CSMD3: variants seen among roughly 807,000 people sequenced by gnomAD.
CSMD3 encodes the protein CUB and Sushi multiple domains 3.
A neutral mutation model predicts 435.2 loss-of-function variants in CSMD3; 177 were observed. The observed-to-expected ratio is 0.41, with a 90% CI of 0.36 to 0.46. The LOEUF is 0.46. Among genes scored for constraint, CSMD3 ranks in the 20% least tolerant of loss-of-function variants. The pLI is 0.34. For missense variants in CSMD3, 4,265 were observed against 4,504.6 expected, an observed-to-expected ratio of 0.95 and a Z score of 1.52; for synonymous variants, 1,656 against 1,520.5, an observed-to-expected ratio of 1.09 and a Z score of -2.07.
chr8:112,572,843 G>A (rs1829643492), intron 24 of CSMD3, among the ~76,000 whole-genome samples: 1 of 151,974 alleles, frequency 6.6e-6, no homozygotes. Flanking sequence ...TTTTTCATTG[G>A]TGTAACTAGT....
rs144656157 is a variant in CSMD3 at position 112,601,456 on chromosome 8, C to T, written c.3716-14221G>A. 1.6e-3 allele frequency among the ~76,000 whole-genome samples: 244 copies of T among 152,244 alleles called. 1 individual carries two copies. The highest frequency in any genetic ancestry group is 5.3e-3 in the African/African-American group (222 of 41,534). Reference sequence around the variant, plus strand: ...CACTCAGAGGCGAATAAGATACAAACATACAATCAAGGAACTTCACTTTCT... The same window carrying T: ...CACTCAGAGGCGAATAAGATACAAATATACAATCAAGGAACTTCACTTTCT... On this transcript the variant is annotated intron_variant, in intron 22 of 70. Coordinates refer to ENST00000297405, the MANE Select transcript of CSMD3 (RefSeq NM_198123.2).
chr8:113,132,286 A>C (rs966806558), intron 4 of CSMD3, among the ~76,000 whole-genome samples: 2 of 152,106 alleles, frequency 1.3e-5, no homozygotes, highest in Non-Finnish European at 2.9e-5. Context: ...GTATTTTGCT[A>C]TGTGAAAAAG....
chr8:112,638,530 C>T (rs964473866), intron 21 of CSMD3, among the ~76,000 whole-genome samples, 166 bp downstream of exon 21: 2 of 151,700 alleles, frequency 1.3e-5, no homozygotes, highest in African/African-American at 4.8e-5. Context: ...TCAGTGTATT[C>T]CAAGCTTTCC....
intron 31 of CSMD3, among the ~76,000 whole-genome samples, chr8:112,485,021 C>A (rs1319978560): frequency 6.6e-6 from 1 of 152,084 alleles, no homozygotes; most frequent in Non-Finnish European, 1.5e-5. Flanking sequence ...CTCCAGAATC[C>A]ATAGCAGCAG....
chr8:112,448,257 T>C (rs765886120), intron 32 of CSMD3, among the ~76,000 whole-genome samples: 34 of 152,270 alleles, frequency 2.2e-4, no homozygotes, highest in Non-Finnish European at 4.6e-4. Flanking sequence ...ACCAGTTCTA[T>C]TGGATCAGGG....
intron 5 of CSMD3, among the ~76,000 whole-genome samples, chr8:113,087,455 C>G (rs2089834476): frequency 6.6e-6 from 1 of 152,204 alleles, no homozygotes; most frequent in Non-Finnish European, 1.5e-5. Context: ...TGACTTCAAA[C>G]TACACTACAA....
At chr8:112,408,691 A>G (rs1832071801) in intron 33 of CSMD3, among the ~76,000 whole-genome samples, 1 of 151,924 alleles carries the variant, frequency 6.6e-6, no homozygotes, top group African/African-American at 2.4e-5. Context: ...AGACTAAGTG[A>G]TTAAATATAT....
At chr8:112,558,658 G>C (rs1395144020) in intron 24 of CSMD3, among the ~76,000 whole-genome samples, 2 of 151,860 alleles carry the variant, frequency 1.3e-5, no homozygotes, top group African/African-American at 4.8e-5. Flanking sequence ...ACACCAGAGA[G>C]CTGGATAATT....
In CSMD3 at chr8:112,977,008, T is replaced by C. The variant is rs58360990; in HGVS notation, c.1031-860A>G. On this transcript the variant is annotated intron_variant, in intron 6 of 70. Transcript: ENST00000297405. ...AATATTACCACATTTTTATTCTAAT[T>C]AAATATTTTTTAATAATTTAGAAGT... 3.0e-3 allele frequency among the ~76,000 whole-genome samples: 450 copies of C among 152,146 alleles called. 3 individuals carry two copies. The highest frequency in any genetic ancestry group is 0.01 in the African/African-American group (416 of 41,530).
intron 22 of CSMD3, among the ~76,000 whole-genome samples, chr8:112,603,585 T>A (rs1832550391): frequency 1.3e-5 from 2 of 152,218 alleles, no homozygotes. Flanking sequence ...TAAGTGTTTG[T>A]GTGGGTAAGT....
chr8:113,341,325 G>A (rs73701373), intron 1 of CSMD3, among the ~76,000 whole-genome samples: 1 of 151,972 alleles, frequency 6.6e-6, no homozygotes, highest in Non-Finnish European at 1.5e-5. Flanking sequence ...AATCTTAATT[G>A]CACCTGTTGA....
At chr8:112,709,984 T>C (rs537623555) in intron 13 of CSMD3, among the ~76,000 whole-genome samples, 1 of 152,188 alleles carries the variant, frequency 6.6e-6, no homozygotes, top group Non-Finnish European at 1.5e-5. Context: ...CCTTTAATAG[T>C]CTCAAAATTT....
chr8:112,295,747 TA>T (rs1313636131), intron 54 of CSMD3, 85 bp downstream of exon 54: 2 of 1,122,012 alleles, frequency 1.8e-6, no homozygotes, highest in Non-Finnish European at 2.6e-6. Flanking sequence ...TATAACAACA[TA>T]ATATATATAT....
chr8:112,880,457 T>C (rs1271505846), intron 10 of CSMD3, among the ~76,000 whole-genome samples: 1 of 152,076 alleles, frequency 6.6e-6, no homozygotes, highest in South Asian at 2.1e-4. Flanking sequence ...TTCGCTACCC[T>C]GATTTTAGAG....
chr8:113,067,225 A>C (rs767168727), intron 5 of CSMD3, among the ~76,000 whole-genome samples: 4 of 152,154 alleles, frequency 2.6e-5, no homozygotes, highest in Non-Finnish European at 5.9e-5. Context: ...TAAATTGTCC[A>C]GTCTCAGTTC....
chr8:112,787,352 A>G (rs1405811000), intron 13 of CSMD3, among the ~76,000 whole-genome samples: 2 of 152,250 alleles, frequency 1.3e-5, no homozygotes, highest in East Asian at 3.9e-4. Context: ...GGATGTGGAG[A>G]AAAGAGAACT....
chr8:112,957,723 G>T (rs1452969489), intron 7 of CSMD3, among the ~76,000 whole-genome samples: 1 of 148,722 alleles, frequency 6.7e-6, no homozygotes, highest in African/African-American at 2.5e-5. Flanking sequence ...GCTGGGAAAC[G>T]GTGTAAACCC....
chr8:112,471,707 G>T (rs1422466255), intron 32 of CSMD3, among the ~76,000 whole-genome samples: 1 of 152,182 alleles, frequency 6.6e-6, no homozygotes, highest in Non-Finnish European at 1.5e-5. Context: ...GTTAAGTCAA[G>T]ATGCTATTCA....
intron 10 of CSMD3, among the ~76,000 whole-genome samples, chr8:112,921,133 T>C (rs2082732612): frequency 6.6e-6 from 1 of 151,640 alleles, no homozygotes; most frequent in African/African-American, 2.4e-5. Context: ...TATATTTATA[T>C]CTTATTTGGA....
Sources: gnomAD v4.1 joint callset for allele counts (sites outside exome capture counted in the v4.1 genomes callset) on GRCh38, gnomAD v4.1.1 for gene constraint, MANE v1.5 for transcripts, NCBI Gene and HGNC (gene_info 2026-07-23, HGNC 2026-07-21) for gene names.